The following PDZD2 variants were observed in gnomAD, a reference collection of about 807,000 sequenced individuals.
PDZD2 encodes PDZ domain containing 2.
PDZD2 carries 90 observed loss-of-function variants against 220.7 expected under a neutral mutation model. The observed-to-expected ratio is 0.41, with a 90% CI of 0.34 to 0.49. The LOEUF (loss-of-function observed/expected upper bound fraction) is 0.49. Ranked by LOEUF, PDZD2 falls within the 20% of genes least tolerant of loss-of-function variation. PDZD2 has a pLI of 0.28. For synonymous variants in PDZD2, 1,375 were observed against 1,450.5 expected (o/e 0.95, Z 1.18); for missense variants, 3,174 against 3,608.5 (o/e 0.88, Z 3.08).
At chr5:32,100,925 G>T in intron 23 of PDZD2, 180 bp from the exon 24 acceptor site, 1 of 1,596,392 alleles carries the variant, frequency 6.3e-7, no homozygotes, top group Non-Finnish European at 8.5e-7. Flanking sequence ...CCCAGAATTG[G>T]GAGGCCAACA....
At chr5:31,703,676 T>C (rs1747692043) in intron 1 of PDZD2, among the ~76,000 whole-genome samples, 3 of 152,164 alleles carry the variant, frequency 2.0e-5, no homozygotes. Flanking sequence ...CTTAAGGGAA[T>C]ACTTTCTGCA....
chr5:32,096,829 A>ATT (rs71831480), intron 21 of PDZD2, among the ~76,000 whole-genome samples: 53,594 of 96,326 alleles, frequency 0.56, 16,900 homozygotes, highest in Non-Finnish European at 0.64. Flanking sequence ...ATGTACTATG[A>ATT]TTTTTTTTTT....
intron 2 of PDZD2, among the ~76,000 whole-genome samples, chr5:31,902,689 G>A (rs770868627): frequency 2.0e-5 from 3 of 150,018 alleles, no homozygotes; most frequent in Non-Finnish European, 4.4e-5. Context: ...GTGAAACCCC[G>A]TCTCTACTAA....
chr5:32,015,857 A>G (rs2112111670), intron 6 of PDZD2, among the ~76,000 whole-genome samples: 1 of 152,286 alleles, frequency 6.6e-6, no homozygotes, highest in East Asian at 1.9e-4. Context: ...TAACAAAGAA[A>G]AAAAAATGGA....
rs753717715 is a variant in PDZD2, at chr5:31,799,547, G to T, written c.299G>T (p.Arg100Leu). Residue 100 changes from arginine (R) to leucine (L), a missense_variant, in exon 2 of 25, where the codon CGC becomes CTC. Arg to Leu is a moderately radical substitution (Grantham distance 102, BLOSUM62 -2). Transcript: ENST00000438447. The stretch of plus-strand genomic sequence containing the variant: ...GTTTTCGGGGACTATGGTGAAAAGC[G>T]CAGGGGGGGCAAGAAGAGGAAAACC... The part of the protein sequence containing the change: ...IPVFGDYGEK[R>L]RGGKKRKTHQ... 2.8e-5 allele frequency: 45 copies of T among 1,614,102 alleles called. No homozygotes were observed. The Admixed American group carries it at 3.2e-4, about 11-fold the overall frequency.
chr5:32,013,400 G>T (rs1271751722), intron 6 of PDZD2, among the ~76,000 whole-genome samples: 5 of 149,908 alleles, frequency 3.3e-5, no homozygotes, highest in African/African-American at 1.2e-4. Flanking sequence ...TTTCTGGGGA[G>T]ATTATAGTAA....
At chr5:31,707,180 C>T (rs1479307095) in intron 1 of PDZD2, among the ~76,000 whole-genome samples, 1 of 150,414 alleles carries the variant, frequency 6.6e-6, no homozygotes, top group East Asian at 2.0e-4. Context: ...GGAGGGATAG[C>T]ATTAGGAGAT....
chr5:31,876,245 G>C (rs541841284), intron 2 of PDZD2, among the ~76,000 whole-genome samples: 7 of 150,140 alleles, frequency 4.7e-5, no homozygotes, highest in African/African-American at 1.7e-4. Flanking sequence ...TCTCTATTTG[G>C]TTATTGCTAG....
chr5:31,651,105 T>C (rs1745332289), intron 1 of PDZD2, among the ~76,000 whole-genome samples: 1 of 146,100 alleles, frequency 6.8e-6, no homozygotes, highest in African/African-American at 2.5e-5. Flanking sequence ...ACTTCTATCT[T>C]GAGAATTACA....
intron 2 of PDZD2, among the ~76,000 whole-genome samples, chr5:31,930,677 G>A (rs1745200895): frequency 6.6e-6 from 1 of 152,188 alleles, no homozygotes; most frequent in Admixed American, 6.5e-5. Flanking sequence ...ATATACTTTA[G>A]GGGTAGACAA....
At chr5:32,086,658 G>A (rs1220850478) in intron 19 of PDZD2, among the ~76,000 whole-genome samples, 2 of 144,320 alleles carry the variant, frequency 1.4e-5, no homozygotes, top group Admixed American at 6.9e-5. Context: ...GCCACAGAAC[G>A]CCGTTTTGTT....
chr5:31,797,590 C>T (rs998397058), intron 1 of PDZD2, among the ~76,000 whole-genome samples: 4 of 152,170 alleles, frequency 2.6e-5, no homozygotes, highest in African/African-American at 9.7e-5. Flanking sequence ...GCCTAACCCT[C>T]CCAAAGTGCT....
intron 6 of PDZD2, among the ~76,000 whole-genome samples, chr5:32,018,881 A>C (rs141150888): frequency 6.6e-6 from 1 of 152,208 alleles, no homozygotes; most frequent in Non-Finnish European, 1.5e-5. Context: ...AGAAAATAAG[A>C]TTTACATTTG....
intron 1 of PDZD2, among the ~76,000 whole-genome samples, chr5:31,697,044 G>T (rs890768164): frequency 6.6e-6 from 1 of 152,208 alleles, no homozygotes; most frequent in South Asian, 2.1e-4. Context: ...GGCATAACTC[G>T]CCTGGGGGCC....
chr5:31,905,080 T>A (rs1742521265), intron 2 of PDZD2, among the ~76,000 whole-genome samples: 1 of 152,110 alleles, frequency 6.6e-6, no homozygotes, highest in South Asian at 2.1e-4. Flanking sequence ...GCAATTCTCC[T>A]ACCTCAGCCT....
intron 10 of PDZD2, among the ~76,000 whole-genome samples, chr5:32,054,651 T>C (rs1236284057): frequency 2.0e-5 from 3 of 152,140 alleles, no homozygotes; most frequent in Non-Finnish European, 2.9e-5. Context: ...TAATTCTCAA[T>C]AGCACCTGCC....
chr5:31,983,036 A>G (rs981226879), intron 2 of PDZD2, 119 bp from the exon 3 acceptor site: 4 of 938,120 alleles, frequency 4.3e-6, no homozygotes, highest in East Asian at 2.4e-5. Flanking sequence ...AGGAAGCTCA[A>G]TACCTCAGTC....
chr5:31,739,962 C>T (rs183324589), intron 1 of PDZD2, among the ~76,000 whole-genome samples: 66 of 152,340 alleles, frequency 4.3e-4, no homozygotes, highest in Non-Finnish European at 3.5e-4. Flanking sequence ...AAAATACTCT[C>T]ATAGTAAGCA....
intron 19 of PDZD2, among the ~76,000 whole-genome samples, chr5:32,082,928 G>A (rs983325052): frequency 1.3e-5 from 2 of 152,178 alleles, no homozygotes; most frequent in Admixed American, 6.5e-5. Context: ...TGGAAAAGCT[G>A]TCAAAGCTGT....
Sources: allele counts gnomAD v4.1 joint callset (sites outside exome capture counted in the v4.1 genomes callset), GRCh38; gene constraint gnomAD v4.1.1; transcripts MANE v1.5; gene names NCBI Gene and HGNC (gene_info 2026-07-23, HGNC 2026-07-21).